The following RABGAP1L variants were observed in gnomAD, a reference collection of about 807,000 sequenced individuals.
RABGAP1L encodes the protein RAB GTPase activating protein 1 like.
Under a neutral mutation model 137.7 loss-of-function variants are expected in RABGAP1L, and 63 were observed. That is an observed-to-expected ratio of 0.46 (90% CI 0.37 to 0.56). The LOEUF (loss-of-function observed/expected upper bound fraction) is 0.56, where lower values mean the gene tolerates loss of function less well. Among genes scored for constraint, RABGAP1L ranks in the 20% least tolerant of loss-of-function variants. The pLI is 0.00. For synonymous variants in RABGAP1L, 431 were observed against 433.7 expected, an observed-to-expected ratio of 0.99 and a Z score of 0.08; for missense variants, 1,095 against 1,244.0, an observed-to-expected ratio of 0.88 and a Z score of 1.80.
chr1:174,633,099 G>C (rs1232886254), intron 13 of RABGAP1L, among the ~76,000 whole-genome samples: 1 of 151,894 alleles, frequency 6.6e-6, no homozygotes. Flanking sequence ...AATTGTCCCT[G>C]TTTGCAGATG....
intron 13 of RABGAP1L, among the ~76,000 whole-genome samples, chr1:174,463,039 C>A (rs1656871910): frequency 6.6e-6 from 1 of 152,134 alleles, no homozygotes; most frequent in African/African-American, 2.4e-5. Flanking sequence ...TATGGAGAAA[C>A]AGGAACACTT....
intron 13 of RABGAP1L, chr1:174,548,525 T>TGTAA: frequency 4.2e-6 from 4 of 962,160 alleles, no homozygotes; most frequent in Non-Finnish European, 4.9e-6. Flanking sequence ...GAAATTATTC[T>TGTAA]GTAAGTTTTT....
intron 20 of RABGAP1L, among the ~76,000 whole-genome samples, chr1:174,968,772 C>T (rs1053410802): frequency 6.6e-6 from 1 of 152,110 alleles, no homozygotes; most frequent in Non-Finnish European, 1.5e-5. Flanking sequence ...GTCATGAACC[C>T]ATGTGTCATG....
At chr1:174,229,998 C>T (rs1281099146) in intron 3 of RABGAP1L, among the ~76,000 whole-genome samples, 2 of 152,030 alleles carry the variant, frequency 1.3e-5, no homozygotes, top group Non-Finnish European at 2.9e-5. Context: ...GGAACCAACC[C>T]AAATGTCCAA....
intron 13 of RABGAP1L, among the ~76,000 whole-genome samples, chr1:174,540,968 A>G (rs942382714): frequency 2.0e-5 from 3 of 152,124 alleles, no homozygotes; most frequent in Admixed American, 1.3e-4. Context: ...CTTTTATTTT[A>G]TTGAGCAGTG....
intron 13 of RABGAP1L, among the ~76,000 whole-genome samples, chr1:174,622,560 T>A (rs892014878): frequency 2.0e-5 from 3 of 152,180 alleles, no homozygotes; most frequent in Non-Finnish European, 1.5e-5. Flanking sequence ...TGTAGGGACA[T>A]GGATGAAGTT....
intron 13 of RABGAP1L, among the ~76,000 whole-genome samples, chr1:174,589,972 A>T (rs990150813): frequency 6.6e-6 from 1 of 152,090 alleles, no homozygotes; most frequent in African/African-American, 2.4e-5. Context: ...AAAATTTACG[A>T]TTATTTATTT....
chr1:174,643,092 C>T (rs454643), intron 14 of RABGAP1L, among the ~76,000 whole-genome samples: 21,738 of 151,946 alleles, frequency 0.14, 5,250 homozygotes, highest in African/African-American at 0.49. Flanking sequence ...GCTGCTCAGC[C>T]CCATATTCTT....
At chr1:174,719,800 T>C (rs1367804195) in intron 17 of RABGAP1L, among the ~76,000 whole-genome samples, 1 of 152,226 alleles carries the variant, frequency 6.6e-6, no homozygotes, top group Non-Finnish European at 1.5e-5. Context: ...CTGATTTAGA[T>C]AGCAAGATGA....
chr1:174,413,265 A>G (rs1188774475), intron 13 of RABGAP1L, among the ~76,000 whole-genome samples: 1 of 152,046 alleles, frequency 6.6e-6, no homozygotes, highest in African/African-American at 2.4e-5. Flanking sequence ...AACACATTCA[A>G]TTGTATTTTG....
chr1:174,897,213 T>A (rs1404693579), intron 19 of RABGAP1L: 4 of 152,126 alleles, frequency 2.6e-5, no homozygotes, highest in African/African-American at 7.2e-5. Flanking sequence ...TGAATGGGAG[T>A]TCACTCATGA....
chr1:174,715,557 T>C (rs1462908162), intron 17 of RABGAP1L, among the ~76,000 whole-genome samples: 1 of 152,202 alleles, frequency 6.6e-6, no homozygotes, highest in Non-Finnish European at 1.5e-5. Context: ...TATTCTTACC[T>C]TCTCCAAACA....
chr1:174,774,778 G>A (rs1558065575), intron 18 of RABGAP1L, among the ~76,000 whole-genome samples: 1 of 152,146 alleles, frequency 6.6e-6, no homozygotes, highest in Non-Finnish European at 1.5e-5. Context: ...TATTTGGGAG[G>A]CTGAGATGGG....
At chr1:174,800,111 G>A (rs904939748) in intron 18 of RABGAP1L, 48 of 1,366,876 alleles carry the variant, frequency 3.5e-5, no homozygotes, top group Non-Finnish European at 4.2e-5. Context: ...ATTTAGATCA[G>A]TACTTGATTT....
intron 11 of RABGAP1L, among the ~76,000 whole-genome samples, chr1:174,353,540 A>G (rs1683369987): frequency 1.3e-5 from 2 of 152,160 alleles, no homozygotes; most frequent in Admixed American, 6.5e-5. Flanking sequence ...ATAAAGTTTC[A>G]AGTTTATAAG....
At chr1:174,499,354 C>T (rs1280570117) in intron 13 of RABGAP1L, among the ~76,000 whole-genome samples, 2 of 151,894 alleles carry the variant, frequency 1.3e-5, no homozygotes, top group South Asian at 2.1e-4. Context: ...TAGTGTATAC[C>T]GTTCATATGA....
intron 19 of RABGAP1L, among the ~76,000 whole-genome samples, chr1:174,919,609 T>C (rs1398674459): frequency 6.6e-6 from 1 of 152,198 alleles, no homozygotes; most frequent in Non-Finnish European, 1.5e-5. Flanking sequence ...ATCTCAGTAC[T>C]TTGGGAGGCC....
chr1:174,605,731 T>A (rs1363192313), intron 13 of RABGAP1L, among the ~76,000 whole-genome samples: 1 of 152,230 alleles, frequency 6.6e-6, no homozygotes, highest in Non-Finnish European at 1.5e-5. Flanking sequence ...TTTCTGCAAT[T>A]AATTGTTGGG....
At chr1:174,610,847 T>A (rs1024624863) in intron 13 of RABGAP1L, among the ~76,000 whole-genome samples, 1 of 152,244 alleles carries the variant, frequency 6.6e-6, no homozygotes, top group African/African-American at 2.4e-5. Flanking sequence ...GCTGCATAAA[T>A]GTCTTCTTTT....
Sources: allele counts gnomAD v4.1 joint callset (sites outside exome capture counted in the v4.1 genomes callset), GRCh38; gene constraint gnomAD v4.1.1; transcripts MANE v1.5; gene names NCBI Gene and HGNC (gene_info 2026-07-23, HGNC 2026-07-21).